The following USH2A variants were observed in gnomAD, a reference collection of about 807,000 sequenced individuals.
The protein encoded by USH2A is Usher syndrome 2A (autosomal recessive, mild).
A neutral mutation model predicts 538.9 loss-of-function variants in USH2A; 443 were observed. That is an observed-to-expected ratio of 0.82 (90% CI 0.76 to 0.89). The LOEUF (loss-of-function observed/expected upper bound fraction) is 0.89. Among genes scored for constraint, USH2A ranks in the 40% least tolerant of loss-of-function variants. USH2A has a pLI of 0.00. For synonymous variants in USH2A, 2,413 were observed against 2,273.5 expected (o/e 1.06, Z -1.75); for missense variants, 6,633 against 6,324.8 (o/e 1.05, Z -1.65).
Position 216,198,497 on chromosome 1 carries a change from C to T in USH2A, c.3899G>A (p.Ser1300Asn), listed in dbSNP as rs772408328. The change falls in exon 18 of 72, where the codon AGT (serine) becomes AAT (asparagine). Residue 1300 changes from serine to asparagine, a missense_variant. Physicochemically the swap from Ser to Asn is conservative, Grantham distance 46. Coordinates refer to ENST00000307340, the MANE Select transcript of USH2A (RefSeq NM_206933.4). ...TSEESRVFQS[S>N]GWLSPHSFVE... is the part of the protein sequence containing the mutation. ...AAATGAATGAGGACTGAGCCAACCA[C>T]TGCTCTGAAAAACTCGACTTTCCTC... 3.1e-6 allele frequency: 5 copies of T among 1,613,914 alleles called. No individual in the cohort carries two copies. The highest frequency in any genetic ancestry group is 1.6e-4 in the Middle Eastern group (1 of 6,084).
intron 4 of USH2A, among the ~76,000 whole-genome samples, chr1:216,353,954 C>T (rs745396283): frequency 4.6e-5 from 7 of 152,102 alleles, no homozygotes; most frequent in Non-Finnish European, 1.0e-4. Context: ...AGACCCAGGG[C>T]TACTCCCATA....
chr1:215,889,607 G>A (rs1235745789), intron 40 of USH2A, among the ~76,000 whole-genome samples: 1 of 152,022 alleles, frequency 6.6e-6, no homozygotes, highest in Non-Finnish European at 1.5e-5. Context: ...ATTTTTTACT[G>A]TGGCTGTGAC....
intron 3 of USH2A, among the ~76,000 whole-genome samples, chr1:216,367,097 T>G (rs913046272): frequency 6.6e-6 from 1 of 152,184 alleles, no homozygotes; most frequent in Non-Finnish European, 1.5e-5. Flanking sequence ...CAAAAGCTGA[T>G]GAACAGCCAA....
chr1:216,190,490 G>T, intron 19 of USH2A, 123 bp from the exon 20 acceptor site: 2 of 1,289,198 alleles, frequency 1.6e-6, no homozygotes, highest in Non-Finnish European at 2.1e-6. Context: ...ACCACCATTA[G>T]GAAAAGGGTT....
At position 216,196,649 on chromosome 1, in the gene USH2A, T is replaced by C. The variant is rs773539548; in HGVS notation, c.4155A>G (p.Pro1385=). 2 of 1,613,606 alleles carry C rather than the reference T, an allele frequency of 1.2e-6. No individual in the cohort carries two copies. Among genetic ancestry groups the C allele is most frequent in the African/African-American group, 2.7e-5 (2 of 75,012 alleles). ...SYSLNISWEK[P]ADNVTRGKVV... ...CTTTTCCTCTTGTAACATTATCTGC[T>C]GGCTTCTCCCAGGAGATATTGAGAG... is the stretch of plus-strand genomic sequence containing the variant. Residue 1385 remains proline, a synonymous_variant, in exon 19 of 72, where the codon CCA becomes CCG. Transcript: ENST00000307340.
At chr1:216,024,483 G>T in intron 32 of USH2A, among the ~76,000 whole-genome samples, 1 of 151,962 alleles carries the variant, frequency 6.6e-6, no homozygotes, top group East Asian at 1.9e-4. Context: ...TAATGTAGAA[G>T]CCATTCTCAT....
chr1:215,837,580 C>T (rs564517124), intron 47 of USH2A, among the ~76,000 whole-genome samples: 1 of 152,090 alleles, frequency 6.6e-6, no homozygotes, highest in Admixed American at 6.6e-5. Context: ...CATTATCTGC[C>T]CTACTAATTT....
intron 30 of USH2A, among the ~76,000 whole-genome samples, chr1:216,052,955 G>A (rs1411586099): frequency 6.6e-6 from 1 of 152,136 alleles, no homozygotes. Flanking sequence ...CTTAGATTAG[G>A]TACTCTCTGG....
chr1:216,289,222 C>T lies in USH2A; in HGVS notation c.1971+58G>A. On this transcript the variant is annotated intron_variant, in intron 11 of 71. Transcript: ENST00000307340. ...TCAATTCTACTAGTGGAATAACATC[C>T]AAATAAGTTTCTGGCAGACAGAGTA... 2.5e-6 allele frequency: 4 copies of T among 1,611,458 alleles called. No homozygotes were observed. In the Admixed American group the frequency reaches 5.0e-5, roughly 20 times the overall value.
At chr1:216,093,788 T>C (rs752589525) in intron 22 of USH2A, among the ~76,000 whole-genome samples, 3 of 152,184 alleles carry the variant, frequency 2.0e-5, no homozygotes, top group Non-Finnish European at 4.4e-5. Context: ...TGTCATTCTG[T>C]TCATTTCTGT....
intron 32 of USH2A, among the ~76,000 whole-genome samples, chr1:216,028,991 T>C (rs2102508944): frequency 6.6e-6 from 1 of 152,248 alleles, no homozygotes; most frequent in East Asian, 1.9e-4. Context: ...GTCTGGTAGA[T>C]AAAATTGTGG....
chr1:216,226,352 T>C (rs1243966520), intron 14 of USH2A, among the ~76,000 whole-genome samples: 1 of 152,234 alleles, frequency 6.6e-6, no homozygotes, highest in Admixed American at 6.5e-5. Flanking sequence ...TCCTGTATAT[T>C]AGTCAACATT....
At chr1:215,840,301 C>T (rs1227472412) in intron 46 of USH2A, among the ~76,000 whole-genome samples, 8 of 149,886 alleles carry the variant, frequency 5.3e-5, no homozygotes, top group African/African-American at 1.7e-4. Context: ...CAATCAAATG[C>T]TTATTTTAAA....
intron 55 of USH2A, among the ~76,000 whole-genome samples, chr1:215,776,094 T>C (rs1454870988): frequency 6.6e-6 from 1 of 152,214 alleles, no homozygotes; most frequent in African/African-American, 2.4e-5. Flanking sequence ...GGCCTACGTA[T>C]AATGTAGAGG....
Position 216,285,687 on chromosome 1 carries a change from G to C in USH2A, c.1971+3593C>G, listed in dbSNP as rs374578888. On this transcript the variant is annotated intron_variant, in intron 11 of 71. Transcript: ENST00000307340. ...GAAAAGCCACAGACACTCAATGCCAGCCTGTGAAAGGAGCCAGAAGGAGGG... is the reference window on the plus strand; with the variant it reads ...GAAAAGCCACAGACACTCAATGCCACCCTGTGAAAGGAGCCAGAAGGAGGG... Among the ~76,000 whole-genome samples the C allele has an allele frequency of 2.4e-4, 37 of 152,338 alleles. 3 individuals carry two copies. The highest frequency in any genetic ancestry group is 8.9e-4 in the African/African-American group (37 of 41,586).
In USH2A at chr1:215,970,649, G is replaced by A; in HGVS notation, c.6933C>T (p.Ala2311=). The A allele has an allele frequency of 6.2e-7, 1 of 1,613,606 alleles. No individual in the cohort carries two copies. The highest frequency in any genetic ancestry group is 1.1e-5 in the South Asian group (1 of 91,072). Residue 2311 remains alanine (A), a synonymous_variant, in exon 36 of 72, where the codon GCC becomes GCT. Transcript: ENST00000307340. The stretch of plus-strand genomic sequence containing the variant: ...CCAGTGGGCCCAGAGCACAACCTTT[G>A]GCCGTGCATGCTTGGACTCTGAAGG... The part of the protein sequence containing the change: ...LHSFRVQACT[A]KGCALGPLVE...
intron 8 of USH2A, among the ~76,000 whole-genome samples, chr1:216,323,065 C>T (rs1040534319): frequency 6.6e-6 from 1 of 151,942 alleles, no homozygotes; most frequent in African/African-American, 2.4e-5. Flanking sequence ...TACTTAAAAA[C>T]TCTCTGGTGC....
At chr1:215,648,877 G>T in intron 65 of USH2A, 111 bp from the exon 66 acceptor site, 2 of 1,027,180 alleles carry the variant, frequency 1.9e-6, no homozygotes, top group Non-Finnish European at 3.1e-6. Flanking sequence ...CAGGCACTCT[G>T]GGAGACACAA....
chr1:216,387,364 C>A (rs1023897418), intron 3 of USH2A, among the ~76,000 whole-genome samples: 7 of 151,898 alleles, frequency 4.6e-5, no homozygotes, highest in African/African-American at 1.7e-4. Context: ...ATTTAGTTTC[C>A]ATTTTCTATT....
Sources: gnomAD v4.1 joint callset for allele counts (sites outside exome capture counted in the v4.1 genomes callset) on GRCh38, gnomAD v4.1.1 for gene constraint, MANE v1.5 for transcripts, NCBI Gene and HGNC (gene_info 2026-07-23, HGNC 2026-07-21) for gene names.